The following GPR89A variants were observed in gnomAD, a reference collection of about 807,000 sequenced individuals.
GPR89A encodes golgi pH regulator A.
Under a neutral mutation model 52.0 loss-of-function variants are expected in GPR89A, and 16 were observed. That is an observed-to-expected ratio of 0.31 (90% CI 0.21 to 0.47). The LOEUF is 0.47. Ranked by LOEUF, GPR89A falls within the 20% of genes least tolerant of loss-of-function variation. The pLI is 1.00. For missense variants in GPR89A, 135 were observed against 449.4 expected (o/e 0.30, Z 6.33); for synonymous variants, 55 against 150.9 (o/e 0.36, Z 4.66).
chr1:145,662,090 A>G (rs1652239666), intron 10 of GPR89A, among the ~76,000 whole-genome samples: 1 of 152,172 alleles, frequency 6.6e-6, no homozygotes, highest in African/African-American at 2.4e-5. Context: ...TAGAATATGT[A>G]TTGTGCTCTT....
chr1:145,609,275 C>A (rs1235105850), intron 1 of GPR89A, among the ~76,000 whole-genome samples: 1 of 152,158 alleles, frequency 6.6e-6, no homozygotes, highest in Non-Finnish European at 1.5e-5. Context: ...TCCTAATACT[C>A]GTCTCCGTAG....
At chr1:145,659,326 A>G (rs1553695086) in intron 10 of GPR89A, among the ~76,000 whole-genome samples, 1 of 151,924 alleles carries the variant, frequency 6.6e-6, no homozygotes. Flanking sequence ...CTGAGGTTAC[A>G]GGCGCATGCA....
chr1:145,639,849 A>AC (rs1400575057), intron 7 of GPR89A, among the ~76,000 whole-genome samples: 22 of 152,020 alleles, frequency 1.4e-4, no homozygotes, highest in African/African-American at 4.6e-4. Flanking sequence ...ATAACCTTTC[A>AC]CCAAATGGTG....
intron 1 of GPR89A, among the ~76,000 whole-genome samples, chr1:145,612,534 C>A (rs1273168375): frequency 6.6e-6 from 1 of 152,146 alleles, no homozygotes; most frequent in Non-Finnish European, 1.5e-5. Flanking sequence ...CTGACACTTA[C>A]TATAAATTGA....
At chr1:145,626,889 G>C (rs141605743) in intron 5 of GPR89A, among the ~76,000 whole-genome samples, 1 of 140,326 alleles carries the variant, frequency 7.1e-6, no homozygotes, top group African/African-American at 2.7e-5. Context: ...GGAGGCTGAG[G>C]TTGCAGTGAG....
At chr1:145,612,055 C>G (rs1169887487) in intron 1 of GPR89A, 3 of 151,904 alleles carry the variant, frequency 2.0e-5, no homozygotes, top group African/African-American at 7.3e-5. Context: ...TGTAGTTTGC[C>G]AACGCCAGGA....
At chr1:145,666,759 T>G (rs1263130351) in intron 12 of GPR89A, among the ~76,000 whole-genome samples, 1 of 139,662 alleles carries the variant, frequency 7.2e-6, no homozygotes, top group Non-Finnish European at 1.5e-5. Context: ...TGTGTCCAAG[T>G]GTTCTCATTG....
At chr1:145,635,114 T>G (rs587632797) in intron 7 of GPR89A, among the ~76,000 whole-genome samples, 1 of 152,270 alleles carries the variant, frequency 6.6e-6, no homozygotes, top group Non-Finnish European at 1.5e-5. Flanking sequence ...AGAGATAACA[T>G]TAGACATAAA....
At chr1:145,637,771 A>T (rs1553691091) in intron 7 of GPR89A, among the ~76,000 whole-genome samples, 2 of 152,244 alleles carry the variant, frequency 1.3e-5, no homozygotes, top group South Asian at 2.1e-4. Flanking sequence ...GGAAACTTTT[A>T]AAAAACAACA....
chr1:145,647,115 T>G (rs1311394156), intron 9 of GPR89A, 60 bp from the exon 10 acceptor site: 1 of 1,531,706 alleles, frequency 6.5e-7, no homozygotes. Flanking sequence ...GAAGAATACT[T>G]GTGTTGAATA....
At position 145,622,946 on chromosome 1, in the gene GPR89A, A is replaced by C. The variant is rs1649237446; in HGVS notation, c.207-108A>C. 7 of 1,552,258 alleles carry C rather than the reference A, an allele frequency of 4.5e-6. No homozygotes were observed. In the South Asian group the frequency reaches 8.6e-5, roughly 19 times the overall value. On this transcript the variant is annotated intron_variant, in intron 3 of 13. Transcript: ENST00000313835. Reference sequence around the variant, plus strand: ...GCCTAGTAGGCTGATTAGATAGGATATATTCAATATTGAGTCCAAAGAGCA... The same window carrying C: ...GCCTAGTAGGCTGATTAGATAGGATCTATTCAATATTGAGTCCAAAGAGCA...
At position 145,647,848 on chromosome 1, in the gene GPR89A, CTCCT is replaced by C. The variant is rs1651140196; in HGVS notation, c.909+582_909+585del. Among the ~76,000 whole-genome samples the C allele has an allele frequency of 1.7e-4, 3 of 17,170 alleles. 1 individual carries two copies. The highest frequency in any genetic ancestry group is 5.8e-4 in the African/African-American group (2 of 3,428). The allele number at this position is 17,170 out of a possible 152,430, so 11.3% of individuals were successfully genotyped here. ...GTCGACTCTCTCTCTCTCTCTCCTC[CTCCT>C]CTCTCTCTCTCTCTCTCTCTCTCTC... On this transcript the variant is annotated intron_variant, in intron 10 of 13. Coordinates refer to ENST00000313835, the MANE Select transcript of GPR89A (RefSeq NM_001097612.2).
At position 145,616,310 on chromosome 1, in the gene GPR89A, T is replaced by C. The variant is rs1553687011; in HGVS notation, c.102+17T>C. The C allele has an allele frequency of 6.3e-7, 1 of 1,595,792 alleles. No individual in the cohort carries two copies. Among genetic ancestry groups the C allele is most frequent in the Non-Finnish European group, 8.6e-7 (1 of 1,168,388 alleles). On this transcript the variant is annotated intron_variant, in intron 2 of 13. Transcript: ENST00000313835. ...GACTATGAGGTGAGAAGAAATCATT[T>C]TGTCATACTTACACTATATGATTTA...
At chr1:145,614,054 G>A (rs1211709523) in intron 1 of GPR89A, among the ~76,000 whole-genome samples, 28 of 152,250 alleles carry the variant, frequency 1.8e-4, no homozygotes, top group African/African-American at 5.5e-4. Context: ...GATTACAGAC[G>A]TGAGCCACCA....
rs1652886461 is a variant in GPR89A at position 145,670,104 on chromosome 1, A to G, written c.*64A>G. ...CAAAATTTAGATATAAGAGGGGGGA[A>G]AAATGGAACCAGGGCCTGACATTTT... is the stretch of plus-strand genomic sequence containing the variant. On this transcript the variant is annotated 3_prime_UTR_variant, in exon 14 of 14. Transcript: ENST00000313835. The G allele has an allele frequency of 1.6e-5, 20 of 1,243,280 alleles. No individual in the cohort carries two copies. Among genetic ancestry groups the G allele is most frequent in the Non-Finnish European group, 2.0e-5 (18 of 911,064 alleles). The allele number at this position is 1,243,280 out of a possible 1,614,324, so 77.0% of individuals were successfully genotyped here. A position where few individuals can be genotyped will look rare whatever the true frequency, so the allele number is the denominator to read the frequency against.
intron 3 of GPR89A, among the ~76,000 whole-genome samples, chr1:145,621,446 A>G (rs1649132770): frequency 6.6e-6 from 1 of 152,166 alleles, no homozygotes; most frequent in Non-Finnish European, 1.5e-5. Context: ...ATTCTGTTTT[A>G]TAATAGCCAT....
rs1553687629 is a variant in GPR89A, at chr1:145,619,318, A to AAAG, written c.206+896_206+897insAGA. On this transcript the variant is annotated intron_variant, in intron 3 of 13. Transcript: ENST00000313835. The stretch of plus-strand genomic sequence containing the variant: ...ATTGAAAGGTTAAAAAAAAAAAAAG[A>AAAG]AGAGAGAGGGGCCAGACATAGTGGC... 1.9e-3 allele frequency among the ~76,000 whole-genome samples: 281 copies of AAAG among 147,296 alleles called. 3 individuals are homozygous for AAAG. Among genetic ancestry groups the AAAG allele is most frequent in the Middle Eastern group, 7.1e-3 (2 of 280 alleles).
chr1:145,656,879 G>A (rs1245185225), intron 10 of GPR89A, among the ~76,000 whole-genome samples: 1 of 151,726 alleles, frequency 6.6e-6, no homozygotes, highest in Non-Finnish European at 1.5e-5. Context: ...ATAGTTTATT[G>A]AGTATTGTTA....
At chr1:145,667,624 T>G (rs1553696711) in intron 12 of GPR89A, among the ~76,000 whole-genome samples, 3 of 152,318 alleles carry the variant, frequency 2.0e-5, no homozygotes, top group East Asian at 3.9e-4. Context: ...GCTTTCGGTG[T>G]TTTAGACATG....
Sources: allele counts gnomAD v4.1 joint callset (sites outside exome capture counted in the v4.1 genomes callset), GRCh38; gene constraint gnomAD v4.1.1; transcripts MANE v1.5; gene names NCBI Gene and HGNC (gene_info 2026-07-23, HGNC 2026-07-21).